The following SLC25A21 variants were observed in gnomAD, a reference collection of about 807,000 sequenced individuals.
SLC25A21 encodes solute carrier family 25 member 21, also known as mitochondrial 2-oxodicarboxylate carrier.
In SLC25A21, 47 loss-of-function variants were observed where a neutral mutation model predicts 43.8. That is an observed-to-expected ratio of 1.07 (90% CI 0.85 to 1.37). SLC25A21 has a LOEUF of 1.37. Ranked by LOEUF, SLC25A21 falls within the 40% of genes most tolerant of loss-of-function variation. The pLI is 0.00. For synonymous variants in SLC25A21, 131 were observed against 121.3 expected (o/e 1.08, Z -0.52); for missense variants, 352 against 350.2 (o/e 1.00, Z -0.04).
intron 1 of SLC25A21, among the ~76,000 whole-genome samples, chr14:36,908,293 GT>G (rs1891589114): frequency 6.6e-6 from 1 of 152,194 alleles, no homozygotes; most frequent in Non-Finnish European, 1.5e-5. Flanking sequence ...AATATTGACA[GT>G]GGGGGCATCT....
intron 1 of SLC25A21, among the ~76,000 whole-genome samples, chr14:37,148,254 C>A (rs1963702176): frequency 6.6e-6 from 1 of 152,092 alleles, no homozygotes; most frequent in Non-Finnish European, 1.5e-5. Context: ...ATATTTCTAA[C>A]TTATATAAAT....
chr14:37,114,691 G>A (rs992809777), intron 1 of SLC25A21, among the ~76,000 whole-genome samples: 1 of 152,070 alleles, frequency 6.6e-6, no homozygotes, highest in East Asian at 1.9e-4. Context: ...TTGCTGGTAT[G>A]TGTGATCCTT....
intron 1 of SLC25A21, among the ~76,000 whole-genome samples, chr14:37,095,847 A>G (rs1444563016): frequency 6.7e-6 from 1 of 149,114 alleles, no homozygotes; most frequent in Non-Finnish European, 1.5e-5. Context: ...CACACACAAA[A>G]AACACCTTGA....
chr14:36,856,234 T>C lies in SLC25A21; in HGVS notation c.119+18722A>G, dbSNP rs139162985. Among the ~76,000 whole-genome samples the C allele has an allele frequency of 8.0e-4, 122 of 152,324 alleles. 1 individual carries two copies. The highest frequency in any genetic ancestry group is 2.6e-3 in the African/African-American group (107 of 41,580). On this transcript the variant is annotated intron_variant, in intron 2 of 9. Transcript: ENST00000331299. ...GATTGGTGACTGACTCTGTTTATTG[T>C]TGGTCCGTAAAGGAAGTAGGCGCTT... is the stretch of plus-strand genomic sequence containing the variant.
Position 37,117,247 on chromosome 14 carries a change from CT to C in SLC25A21, c.70+55033del, listed in dbSNP as rs34264976. ...TAAATAATTCCTCTCATCATCTAAA[CT>C]TTTTTTCAGGGCATCAGCACTAGAA... is the stretch of plus-strand genomic sequence containing the variant. On this transcript the variant is annotated intron_variant, in intron 1 of 9. Transcript: ENST00000331299. 1.6e-4 allele frequency among the ~76,000 whole-genome samples: 24 copies of C among 152,190 alleles called. No homozygotes were observed. In the South Asian group the frequency reaches 4.8e-3, roughly 30 times the overall value.
At chr14:37,036,922 C>T (rs1961339514) in intron 1 of SLC25A21, among the ~76,000 whole-genome samples, 1 of 152,144 alleles carries the variant, frequency 6.6e-6, no homozygotes, top group South Asian at 2.1e-4. Flanking sequence ...GTTTCTGAAG[C>T]GGAGGATGCT....
chr14:36,743,902 A>G (rs1418677959), intron 3 of SLC25A21, among the ~76,000 whole-genome samples: 2 of 152,166 alleles, frequency 1.3e-5, no homozygotes, highest in African/African-American at 4.8e-5. Context: ...TGATAACCAA[A>G]TCGAGAACTG....
At chr14:36,800,578 TG>T (rs1335399000) in intron 3 of SLC25A21, among the ~76,000 whole-genome samples, 2 of 152,114 alleles carry the variant, frequency 1.3e-5, no homozygotes, top group Non-Finnish European at 2.9e-5. Context: ...TCAGGGGCTG[TG>T]GGGAGGGAGA....
chr14:37,168,366 T>C (rs1206340210), intron 1 of SLC25A21, among the ~76,000 whole-genome samples: 1 of 152,192 alleles, frequency 6.6e-6, no homozygotes, highest in Non-Finnish European at 1.5e-5. Context: ...GTGTAATGTA[T>C]TGTCCAGGCT....
chr14:36,930,805 T>C (rs1288959019), intron 1 of SLC25A21, among the ~76,000 whole-genome samples: 1 of 152,064 alleles, frequency 6.6e-6, no homozygotes, highest in Non-Finnish European at 1.5e-5. Flanking sequence ...TCAAGTGTCA[T>C]CCCCTGCCTC....
chr14:36,857,501 C>T (rs746368409), intron 2 of SLC25A21, among the ~76,000 whole-genome samples: 4 of 152,236 alleles, frequency 2.6e-5, no homozygotes, highest in Middle Eastern at 3.4e-3. Context: ...TTCCACAAAA[C>T]GTAAAGAAAA....
chr14:37,168,276 C>G (rs947297963), intron 1 of SLC25A21, among the ~76,000 whole-genome samples: 1 of 152,086 alleles, frequency 6.6e-6, no homozygotes, highest in East Asian at 1.9e-4. Context: ...TCATTATTGG[C>G]TTCTGTGATT....
chr14:37,126,742 ACAGGGCACAGG>A (rs1963304740), intron 1 of SLC25A21, among the ~76,000 whole-genome samples: 1 of 152,220 alleles, frequency 6.6e-6, no homozygotes, highest in Non-Finnish European at 1.5e-5. Context: ...GCTGCTAGGT[ACAGGGCACAGG>A]AAAACATTCA....
intron 6 of SLC25A21, among the ~76,000 whole-genome samples, 191 bp from the exon 7 acceptor site, chr14:36,711,673 A>C (rs1370215213): frequency 6.6e-6 from 1 of 152,210 alleles, no homozygotes; most frequent in Non-Finnish European, 1.5e-5. Flanking sequence ...ATGCATAAAA[A>C]CAGGCTTTAT....
At chr14:36,937,417 G>A (rs568834478) in intron 1 of SLC25A21, among the ~76,000 whole-genome samples, 1 of 152,314 alleles carries the variant, frequency 6.6e-6, no homozygotes, top group African/African-American at 2.4e-5. Flanking sequence ...GTCAGTGACT[G>A]GAACAGCCTT....
intron 3 of SLC25A21, among the ~76,000 whole-genome samples, chr14:36,790,088 G>A (rs1449946444): frequency 1.3e-5 from 2 of 149,814 alleles, no homozygotes. Flanking sequence ...GAGGTTTGTA[G>A]GCTTCATGGG....
chr14:36,713,178 T>C (rs1883967280), intron 6 of SLC25A21, among the ~76,000 whole-genome samples: 2 of 152,198 alleles, frequency 1.3e-5, no homozygotes, highest in Non-Finnish European at 2.9e-5. Flanking sequence ...ATCTAAGTTT[T>C]AGAGCAGCAG....
chr14:37,141,002 C>T (rs1963561073), intron 1 of SLC25A21, among the ~76,000 whole-genome samples: 1 of 152,100 alleles, frequency 6.6e-6, no homozygotes, highest in Non-Finnish European at 1.5e-5. Flanking sequence ...AAAAATTAGC[C>T]AGGCGTGGTG....
At chr14:37,075,080 T>C (rs191922303) in intron 1 of SLC25A21, among the ~76,000 whole-genome samples, 1 of 152,184 alleles carries the variant, frequency 6.6e-6, no homozygotes, top group Admixed American at 6.5e-5. Flanking sequence ...TCAAAGGAAC[T>C]AGCTTCCCTT....
Sources: gnomAD v4.1 joint callset for allele counts (sites outside exome capture counted in the v4.1 genomes callset) on GRCh38, gnomAD v4.1.1 for gene constraint, MANE v1.5 for transcripts, NCBI Gene and HGNC (gene_info 2026-07-23, HGNC 2026-07-21) for gene names.